DOCK4: variants seen among roughly 807,000 people sequenced by gnomAD.
The protein encoded by DOCK4 is dedicator of cytokinesis protein 4.
DOCK4 carries 97 observed loss-of-function variants against 268.1 expected under a neutral mutation model. The observed-to-expected ratio is 0.36, with a 90% confidence interval of 0.31 to 0.43. The LOEUF (loss-of-function observed/expected upper bound fraction) is 0.43, where lower values mean the gene tolerates loss of function less well. Among genes scored for constraint, DOCK4 ranks in the 20% least tolerant of loss-of-function variants. The probability of loss-of-function intolerance (pLI) is 1.00; values close to 1 mark genes in which losing one functional copy is unlikely to be tolerated. For synonymous variants in DOCK4, 954 were observed against 887.2 expected (o/e 1.08, Z -1.34); for missense variants, 2,145 against 2,455.7 (o/e 0.87, Z 2.67).
intron 1 of DOCK4, among the ~76,000 whole-genome samples, chr7:112,103,607 C>T (rs188712403): frequency 1.6e-4 from 25 of 152,274 alleles, no homozygotes; most frequent in African/African-American, 5.1e-4. Context: ...ACAGTCTGGG[C>T]GCAGTGGCTC....
chr7:111,983,504 G>A (rs954781372), intron 7 of DOCK4, among the ~76,000 whole-genome samples: 8 of 151,996 alleles, frequency 5.3e-5, no homozygotes, highest in Non-Finnish European at 1.2e-4. Context: ...TCTGATTTTG[G>A]ATTTTCAGAA....
chr7:112,140,942 C>G (rs1275194349), intron 1 of DOCK4, among the ~76,000 whole-genome samples: 1 of 152,166 alleles, frequency 6.6e-6, no homozygotes, highest in Non-Finnish European at 1.5e-5. Flanking sequence ...GCTTGAGGCT[C>G]TACAGCTGGT....
At chr7:111,904,757 G>T (rs1382525865) in intron 13 of DOCK4, among the ~76,000 whole-genome samples, 4 of 152,048 alleles carry the variant, frequency 2.6e-5, no homozygotes, top group African/African-American at 7.2e-5. Context: ...GAAACCTCTG[G>T]GTCTCAGGTT....
At chr7:111,915,701 A>C (rs1195368465) in intron 13 of DOCK4, 78 bp downstream of exon 13, 19 of 1,512,100 alleles carry the variant, frequency 1.3e-5, no homozygotes, top group Non-Finnish European at 1.6e-5. Flanking sequence ...AAAGCTGGCA[A>C]TTTGAAAAAT....
intron 1 of DOCK4, among the ~76,000 whole-genome samples, chr7:112,172,699 A>T (rs1232831616): frequency 6.6e-6 from 1 of 152,248 alleles, no homozygotes; most frequent in African/African-American, 2.4e-5. Flanking sequence ...CATAATGCCA[A>T]ATGGTAAATA....
At chr7:112,116,211 G>A (rs1489521608) in intron 1 of DOCK4, among the ~76,000 whole-genome samples, 2 of 151,898 alleles carry the variant, frequency 1.3e-5, no homozygotes, top group East Asian at 1.9e-4. Flanking sequence ...CCTGCTTTCT[G>A]TCTCTACAGA....
rs138498645 is a variant in DOCK4 at position 112,001,174 on chromosome 7, T to A, written c.122-640A>T. 1.7e-3 allele frequency among the ~76,000 whole-genome samples: 252 copies of A among 152,342 alleles called. 1 individual carries two copies. Among genetic ancestry groups the A allele is most frequent in the African/African-American group, 5.5e-3 (230 of 41,570 alleles). ...GACCAAGAGCTCAGCGTAATTTTTA[T>A]TCTGTAGAATGACTATTATAGTAGG... On this transcript the variant is annotated intron_variant, in intron 2 of 52. Transcript: ENST00000428084.
intron 1 of DOCK4, among the ~76,000 whole-genome samples, chr7:112,067,433 A>T (rs917464292): frequency 2.0e-5 from 3 of 152,152 alleles, no homozygotes; most frequent in African/African-American, 7.2e-5. Flanking sequence ...AGAGGAGGAT[A>T]GGTATGATTC....
At chr7:112,165,863 G>T (rs551481434) in intron 1 of DOCK4, among the ~76,000 whole-genome samples, 2 of 152,098 alleles carry the variant, frequency 1.3e-5, no homozygotes, top group Admixed American at 1.3e-4. Flanking sequence ...AAACATCCTC[G>T]TCACGTTTCC....
At chr7:111,903,426 T>A (rs1791307293) in intron 13 of DOCK4, among the ~76,000 whole-genome samples, 1 of 152,216 alleles carries the variant, frequency 6.6e-6, no homozygotes, top group South Asian at 2.1e-4. Context: ...GGGAAGGCAA[T>A]GAACTTAAAG....
intron 1 of DOCK4, among the ~76,000 whole-genome samples, chr7:112,169,923 A>C (rs1817935587): frequency 6.6e-6 from 1 of 152,176 alleles, no homozygotes. Flanking sequence ...TGCAACTTCA[A>C]CTAGTTACTA....
intron 42 of DOCK4, among the ~76,000 whole-genome samples, chr7:111,752,893 G>A (rs912093901): frequency 1.3e-5 from 2 of 150,216 alleles, no homozygotes; most frequent in African/African-American, 4.9e-5. Context: ...GCTGAAATGA[G>A]CTAATTTTTT....
At chr7:112,111,569 A>G (rs906009074) in intron 1 of DOCK4, among the ~76,000 whole-genome samples, 3 of 151,964 alleles carry the variant, frequency 2.0e-5, no homozygotes, top group Non-Finnish European at 4.4e-5. Context: ...AGTAATTTCT[A>G]TTTTTCATAT....
chr7:112,170,222 A>G (rs1480865766), intron 1 of DOCK4, among the ~76,000 whole-genome samples: 4 of 152,110 alleles, frequency 2.6e-5, no homozygotes, highest in Non-Finnish European at 4.4e-5. Flanking sequence ...AGGCTAAGAC[A>G]CAAGGATTGC....
At chr7:111,846,490 C>T (rs1804115505) in intron 24 of DOCK4, among the ~76,000 whole-genome samples, 1 of 150,474 alleles carries the variant, frequency 6.6e-6, no homozygotes, top group Non-Finnish European at 1.5e-5. Flanking sequence ...ATCCCCAAAT[C>T]CATAACAATT....
chr7:112,000,709 G>A (rs1469476831), intron 2 of DOCK4, among the ~76,000 whole-genome samples, 175 bp from the exon 3 acceptor site: 1 of 152,048 alleles, frequency 6.6e-6, no homozygotes, highest in Non-Finnish European at 1.5e-5. Flanking sequence ...CCAAACATAA[G>A]AATTCTATTA....
intron 1 of DOCK4, among the ~76,000 whole-genome samples, chr7:112,080,934 G>T (rs1313494469): frequency 3.4e-5 from 5 of 146,414 alleles, no homozygotes; most frequent in African/African-American, 1.3e-4. Context: ...GGGGTATGAG[G>T]AATGAAAATA....
chr7:111,941,512 T>A (rs1795192295), intron 10 of DOCK4, among the ~76,000 whole-genome samples: 1 of 152,206 alleles, frequency 6.6e-6, no homozygotes, highest in African/African-American at 2.4e-5. Context: ...TGTATGGCAG[T>A]CTTTATCAAT....
intron 16 of DOCK4, among the ~76,000 whole-genome samples, chr7:111,879,994 A>C (rs1398570213): frequency 6.6e-6 from 1 of 152,238 alleles, no homozygotes; most frequent in Admixed American, 6.5e-5. Flanking sequence ...GTAGAGAAAG[A>C]GATAGTGCTA....
Sources: gnomAD v4.1 joint callset for allele counts (sites outside exome capture counted in the v4.1 genomes callset) on GRCh38, gnomAD v4.1.1 for gene constraint, MANE v1.5 for transcripts, NCBI Gene and HGNC (gene_info 2026-07-23, HGNC 2026-07-21) for gene names.